Variants in NCBP2 observed in about 807,000 individuals in gnomAD.
NCBP2 encodes the protein nuclear cap binding protein subunit 2.
Under a neutral mutation model 21.5 loss-of-function variants are expected in NCBP2, and 8 were observed. That is an observed-to-expected ratio of 0.37 (90% CI 0.22 to 0.67). The LOEUF (loss-of-function observed/expected upper bound fraction) is 0.67, where lower values mean the gene tolerates loss of function less well. NCBP2 is among the 30% of genes least tolerant of loss of function. The pLI is 0.56. For synonymous variants in NCBP2, 92 were observed against 75.8 expected (o/e 1.21, Z -1.11); for missense variants, 127 against 206.9 (o/e 0.61, Z 2.37).
intron 1 of NCBP2, 55 bp from the exon 2 acceptor site, chr3:196,939,487 G>T: frequency 8.1e-7 from 1 of 1,231,464 alleles, no homozygotes; most frequent in Non-Finnish European, 1.1e-6. Context: ...TGCTTAAATA[G>T]TATTTCTAAG....
intron 1 of NCBP2, among the ~76,000 whole-genome samples, chr3:196,940,418 A>C (rs1250525351): frequency 7.0e-6 from 1 of 142,370 alleles, no homozygotes; most frequent in Admixed American, 7.0e-5. Flanking sequence ...TGTTAAAAAG[A>C]GGTTTTCGGA....
chr3:196,942,136 C>G, intron 1 of NCBP2: 1 of 1,465,052 alleles, frequency 6.8e-7, no homozygotes, highest in African/African-American at 1.4e-5. Flanking sequence ...AAACGGGAGC[C>G]GCCACCACCA....
chr3:196,941,747 G>T, intron 1 of NCBP2: 1 of 644,258 alleles, frequency 1.6e-6, no homozygotes, highest in Non-Finnish European at 2.6e-6. Context: ...AATATCTGCT[G>T]CCTCCCCTTT....
chr3:196,939,452 C>T lies in NCBP2; in HGVS notation c.79-20G>A. On this transcript the variant is annotated intron_variant, in intron 1 of 3. Coordinates refer to ENST00000321256, the MANE Select transcript of NCBP2 (RefSeq NM_007362.5). ...GTCACCCTAGAATTTCAAATAGAGA[C>T]AAAAGTTAAGCAACTTCAGAGCCTT... 6.4e-7 allele frequency: 1 copy of T among 1,562,902 alleles called. No homozygotes were observed. Among genetic ancestry groups the T allele is most frequent in the East Asian group, 2.3e-5 (1 of 44,406 alleles).
rs774051813 is a variant in NCBP2, at chr3:196,937,627, C to G, written c.282G>C (p.Ala94=). ...CFVEYYSRAD[A]ENAMRYINGT... ...CATTTATGTACCGCATGGCGTTTTC[C>G]GCATCTGCGCGTGAGTAATATCTTA... Residue 94 remains alanine (A), a synonymous_variant, in exon 3 of 4, where the codon GCG becomes GCC. Transcript: ENST00000321256. 2.5e-6 allele frequency: 4 copies of G among 1,614,146 alleles called. No individual in the cohort carries two copies. In the Admixed American group the frequency reaches 5.0e-5, roughly 20 times the overall value.
chr3:196,940,831 C>T (rs745930638), intron 1 of NCBP2: 1 of 152,306 alleles, frequency 6.6e-6, no homozygotes, highest in African/African-American at 2.4e-5. Flanking sequence ...CTTAGGCATC[C>T]CAGCACTTTG....
Position 196,936,952 on chromosome 3 carries a change from G to T in NCBP2, c.*59C>A, listed in dbSNP as rs1716292564. On this transcript the variant is annotated 3_prime_UTR_variant, in exon 4 of 4. Transcript: ENST00000321256. ...GGCTCGTGTGCAGACTTTAGGTGAT[G>T]TTCTTCAGCAAATTCAACAGGCCAA... The T allele has an allele frequency of 1.3e-6, 2 of 1,517,130 alleles. No individual in the cohort carries two copies. Among genetic ancestry groups the T allele is most frequent in the Non-Finnish European group, 9.2e-7 (1 of 1,091,610 alleles). The allele number at this position is 1,517,130 out of a possible 1,614,324, so 94.0% of individuals were successfully genotyped here. A position where few individuals can be genotyped will look rare whatever the true frequency, so the allele number is the denominator to read the frequency against.
At chr3:196,937,857 A>G (rs1716340832) in intron 2 of NCBP2, 2 of 575,520 alleles carry the variant, frequency 3.5e-6, no homozygotes, top group Non-Finnish European at 6.1e-6. Context: ...TACACTGATC[A>G]TATTTCTTGG....
At chr3:196,940,745 A>C (rs1383439799) in intron 1 of NCBP2, among the ~76,000 whole-genome samples, 1 of 152,246 alleles carries the variant, frequency 6.6e-6, no homozygotes, top group South Asian at 2.1e-4. Flanking sequence ...AGGATGCTTT[A>C]AGTTCAAAAT....
At chr3:196,938,844 A>T (rs1247306957) in intron 2 of NCBP2, 2 of 155,216 alleles carry the variant, frequency 1.3e-5, no homozygotes, top group African/African-American at 2.4e-5. Context: ...AATAAAAAAT[A>T]AAAAAATGAT....
rs1577860532 is a variant in NCBP2, at chr3:196,937,065, C to T, written c.417G>A (p.Arg139=). 6.2e-7 allele frequency: 1 copy of T among 1,614,138 alleles called. No individual in the cohort carries two copies. The highest frequency in any genetic ancestry group is 8.5e-7 in the Non-Finnish European group (1 of 1,180,034). ...RSGGQVRDEY[R]QDYDAGRGGY... is the part of the protein sequence containing the mutation. ...CTCCTCTCCCAGCATCGTAGTCCTG[C>T]CGATACTCATCCCGAACCTTTAATG... is the stretch of plus-strand genomic sequence containing the variant. Residue 139 remains arginine, a synonymous_variant, in exon 4 of 4, where the codon CGG becomes CGA. Transcript: ENST00000321256.
In NCBP2 at chr3:196,942,341, G is replaced by C. The variant is rs773806602; in HGVS notation, c.78+85C>G. Reference sequence around the variant, plus strand: ...GGCGTTTGCGGATTTCAGCTGAATGGGAGGCGACACAATGAGACAAGAGCA... The same window carrying C: ...GGCGTTTGCGGATTTCAGCTGAATGCGAGGCGACACAATGAGACAAGAGCA... On this transcript the variant is annotated intron_variant, in intron 1 of 3. Transcript: ENST00000321256. 942 of 1,551,104 alleles carry C rather than the reference G, an allele frequency of 6.1e-4. 9 individuals are homozygous for C. The highest frequency in any genetic ancestry group is 3.3e-3 in the South Asian group (275 of 84,388).
intron 1 of NCBP2, among the ~76,000 whole-genome samples, chr3:196,940,372 CAAAAA>C (rs11450608): frequency 2.1e-5 from 3 of 145,846 alleles, no homozygotes; most frequent in Non-Finnish European, 4.6e-5. Context: ...AACTCTATCT[CAAAAA>C]AAAAAAGTCC....
chr3:196,942,160 C>G, intron 1 of NCBP2: 1 of 1,460,814 alleles, frequency 6.8e-7, no homozygotes. Context: ...CCGCTCAAAC[C>G]TCTCGGCACT....
chr3:196,942,081 C>A, intron 1 of NCBP2: 3 of 1,512,368 alleles, frequency 2.0e-6, no homozygotes, highest in Admixed American at 2.2e-5. Context: ...GAGAAGGGCA[C>A]CCCTCCCCCT....
In NCBP2 at chr3:196,942,489, G is replaced by C; in HGVS notation, c.15C>G (p.Leu5=). Residue 5 remains leucine (L), a synonymous_variant, in exon 1 of 4, where the codon CTC becomes CTG. Transcript: ENST00000321256. ...AGGAGTCGCTGCGCAGCGCCTTCAG[G>C]AGGCCACCCGACATAGTGCAGAGAA... MSGG[L]LKALRSDSYV... 6.2e-7 allele frequency: 1 copy of C among 1,613,176 alleles called. No individual in the cohort carries two copies. The highest frequency in any genetic ancestry group is 8.5e-7 in the Non-Finnish European group (1 of 1,179,896).
At chr3:196,940,072 T>G (rs1379738380) in intron 1 of NCBP2, 1 of 152,318 alleles carries the variant, frequency 6.6e-6, no homozygotes, top group Non-Finnish European at 1.5e-5. Flanking sequence ...GGGTCCAAAA[T>G]GGCTCATCGG....
intron 2 of NCBP2, chr3:196,938,505 C>A (rs1716370820): frequency 6.6e-6 from 1 of 152,076 alleles, no homozygotes; most frequent in South Asian, 2.1e-4. Context: ...TAGGATAAAT[C>A]CAAGAGGTCC....
At chr3:196,942,379 G>A (rs761149212) in intron 1 of NCBP2, 47 bp downstream of exon 1, 5 of 1,595,626 alleles carry the variant, frequency 3.1e-6, no homozygotes, top group Non-Finnish European at 4.3e-6. Flanking sequence ...CCGTTTCTCA[G>A]CGTTCTTGCC....
Sources: allele counts gnomAD v4.1 joint callset (sites outside exome capture counted in the v4.1 genomes callset), GRCh38; gene constraint gnomAD v4.1.1; transcripts MANE v1.5; gene names NCBI Gene and HGNC (gene_info 2026-07-23, HGNC 2026-07-21).